The following STX10 variants were observed in gnomAD, a reference collection of about 807,000 sequenced individuals.
STX10 encodes the protein syntaxin 10, also known as syntaxin-10.
STX10 carries 35 observed loss-of-function variants against 34.1 expected under a neutral mutation model. That is an observed-to-expected ratio of 1.03 (90% CI 0.78 to 1.36). The LOEUF (loss-of-function observed/expected upper bound fraction) is 1.36. Ranked by LOEUF, STX10 falls within the 40% of genes most tolerant of loss-of-function variation. The probability of loss-of-function intolerance (pLI) is 0.00; values close to 1 mark genes in which losing one functional copy is unlikely to be tolerated. For missense variants in STX10, 361 were observed against 335.5 expected (o/e 1.08, Z -0.59); for synonymous variants, 155 against 132.9 (o/e 1.17, Z -1.15).
At position 13,144,624 on chromosome 19, in the gene STX10, A is replaced by T. The variant is rs760317429; in HGVS notation, c.626T>A (p.Met209Lys). The T allele has an allele frequency of 1.2e-6, 2 of 1,614,142 alleles. No individual in the cohort carries two copies. Among genetic ancestry groups the T allele is most frequent in the Non-Finnish European group, 1.7e-6 (2 of 1,180,022 alleles). Residue 209 changes from methionine (M) to lysine (K), a missense_variant, in exon 7 of 8, where the codon ATG becomes AAG. Met to Lys is a moderately conservative substitution (Grantham distance 95). Transcript: ENST00000587230. ...GGCCAACTTCCTGAGGACCCCGTCCATGCGGGACTGGGTGTGGTCCATCTC... is the reference window on the plus strand; with the variant it reads ...GGCCAACTTCCTGAGGACCCCGTCCTTGCGGGACTGGGTGTGGTCCATCTC... ...AQEMDHTQSR[M>K]DGVLRKLAKV... is the part of the protein sequence containing the mutation.
At chr19:13,146,208 A>C (rs1195056652) in intron 4 of STX10, among the ~76,000 whole-genome samples, 1 of 151,500 alleles carries the variant, frequency 6.6e-6, no homozygotes, top group African/African-American at 2.4e-5. Context: ...AAAAAAAAAA[A>C]ATAAAATAAA....
Position 13,144,499 on chromosome 19 carries a change from A to T in STX10, c.674-13T>A. 6.2e-7 allele frequency: 1 copy of T among 1,613,828 alleles called. No individual in the cohort carries two copies. Among genetic ancestry groups the T allele is most frequent in the Non-Finnish European group, 8.5e-7 (1 of 1,179,934 alleles). Reference sequence around the variant, plus strand: ...CACTGTCGGCGGTCTGGGAACGAGAAGGTCAGGGGTCACGGGGAGAGGGTA... The same window carrying T: ...CACTGTCGGCGGTCTGGGAACGAGATGGTCAGGGGTCACGGGGAGAGGGTA... On this transcript the variant is annotated splice_polypyrimidine_tract_variant and intron_variant, in intron 7 of 7. Coordinates refer to ENST00000587230, the MANE Select transcript of STX10 (RefSeq NM_003765.3).
In STX10 at chr19:13,144,390, C is replaced by A. The variant is rs770632453; in HGVS notation, c.*20G>T. The A allele has an allele frequency of 1.9e-6, 3 of 1,600,676 alleles. No individual in the cohort carries two copies. The highest frequency in any genetic ancestry group is 1.8e-5 in the Admixed American group (1 of 56,564). ...TGGCTCCCCAGGCTTAAGGGACCAG[C>A]CTGCCAGGGAGGGCTGGGGTCAGAG... On this transcript the variant is annotated 3_prime_UTR_variant, in exon 8 of 8. Coordinates refer to ENST00000587230, the MANE Select transcript of STX10 (RefSeq NM_003765.3).
Position 13,150,261 on chromosome 19 carries a change from C to G in STX10, c.-88G>C. On this transcript the variant is annotated 5_prime_UTR_variant, in exon 1 of 8. Coordinates refer to ENST00000587230, the MANE Select transcript of STX10 (RefSeq NM_003765.3). This position sits in a 1 kb window ranked among gnomAD's most constrained non-coding sequence, Gnocchi z 4.0. The stretch of plus-strand genomic sequence containing the variant: ...CCCAACCGAGGAGAACGCGCCGCCA[C>G]CCCCGCCCCCGTCACGCCACCATCG... 3 of 664,386 alleles carry G rather than the reference C, an allele frequency of 4.5e-6. No homozygotes were observed. The highest frequency in any genetic ancestry group is 8.3e-6 in the Non-Finnish European group (3 of 361,176). The allele number at this position is 664,386 out of a possible 1,614,324, so 41.2% of individuals were successfully genotyped here.
At chr19:13,149,653 C>T in intron 2 of STX10, 60 bp from the exon 3 acceptor site, 7 of 1,609,212 alleles carry the variant, frequency 4.3e-6, no homozygotes, top group Non-Finnish European at 5.1e-6. Flanking sequence ...CCTAGGGGTC[C>T]AGCCCTACCC....
At chr19:13,147,330 T>C (rs1042322823) in intron 4 of STX10, among the ~76,000 whole-genome samples, 3 of 151,736 alleles carry the variant, frequency 2.0e-5, no homozygotes, top group Non-Finnish European at 2.9e-5. Flanking sequence ...CTGGGCATGG[T>C]GGCACACTCC....
At chr19:13,144,543 C>A (rs375277187) in intron 7 of STX10, 34 bp downstream of exon 7, 36 of 1,614,052 alleles carry the variant, frequency 2.2e-5, no homozygotes, top group Non-Finnish European at 2.8e-5. Context: ...AACCTGCCCC[C>A]ACCAGGACTG....
Position 13,149,484 on chromosome 19 carries a change from A to C in STX10, c.300+15T>G. On this transcript the variant is annotated intron_variant, in intron 3 of 7. Transcript: ENST00000587230. ...AAACCTTCCCCCACTCCCCGCCTGC[A>C]GGACCTTTCCTGACCTGGACTGCCT... The C allele has an allele frequency of 6.2e-7, 1 of 1,601,504 alleles. No homozygotes were observed. Among genetic ancestry groups the C allele is most frequent in the Non-Finnish European group, 8.5e-7 (1 of 1,172,672 alleles).
chr19:13,150,066 T>TG lies in STX10; in HGVS notation c.35+72dup. 8.6e-7 allele frequency: 1 copy of TG among 1,158,312 alleles called. No homozygotes were observed. Among genetic ancestry groups the TG allele is most frequent in the Non-Finnish European group, 1.3e-6 (1 of 787,582 alleles). 71.8% of individuals were successfully genotyped at this position (1,158,312 alleles called of 1,614,324 possible). A position where few individuals can be genotyped will look rare whatever the true frequency, so the allele number is the denominator to read the frequency against. ...GCCTTGCCCAGCCCGCCGGGCACGC[T>TG]GGGGCCGGCACCCGGGCACTGGCTG... On this transcript the variant is annotated intron_variant, in intron 1 of 7. Transcript: ENST00000587230. This position sits in a 1 kb window ranked among gnomAD's most constrained non-coding sequence, Gnocchi z 4.0.
At chr19:13,149,007 A>G in intron 4 of STX10, 22 bp downstream of exon 4, 1 of 1,592,828 alleles carries the variant, frequency 6.3e-7, no homozygotes. Context: ...TCAGGTGGGC[A>G]GGGTGGGTCA....
chr19:13,144,338 G>A lies in STX10; in HGVS notation c.*72C>T. 1 of 1,557,320 alleles carries A rather than the reference G, an allele frequency of 6.4e-7. No homozygotes were observed. Among genetic ancestry groups the A allele is most frequent in the Admixed American group, 2.0e-5 (1 of 50,998 alleles). On this transcript the variant is annotated 3_prime_UTR_variant, in exon 8 of 8. Transcript: ENST00000587230. ...CCAGGAGGGACCCTCTCCTCCTAGG[G>A]GGCGAGGCCAGCTCCAAAGTGCTTG...
chr19:13,150,267 CCCCCG>C lies in STX10; in HGVS notation c.-99_-95del. The C allele has an allele frequency of 4.5e-6, 3 of 663,114 alleles. No individual in the cohort carries two copies. The highest frequency in any genetic ancestry group is 5.0e-5 in the Admixed American group (2 of 39,842). 41.1% of individuals were successfully genotyped at this position (663,114 alleles called of 1,614,324 possible). On this transcript the variant is annotated 5_prime_UTR_variant, in exon 1 of 8. Transcript: ENST00000587230. The surrounding 1 kb of genome is among the most constrained non-coding windows in gnomAD (Gnocchi z 4.0). Reference sequence around the variant, plus strand: ...CGAGGAGAACGCGCCGCCACCCCCGCCCCCGTCACGCCACCATCGAGAGCCGGACC... The same window carrying C: ...CGAGGAGAACGCGCCGCCACCCCCGCTCACGCCACCATCGAGAGCCGGACC...
intron 2 of STX10, 60 bp from the exon 3 acceptor site, chr19:13,149,653 C>G: frequency 6.8e-6 from 11 of 1,609,212 alleles, no homozygotes; most frequent in Non-Finnish European, 9.4e-6. Flanking sequence ...CCTAGGGGTC[C>G]AGCCCTACCC....
intron 4 of STX10, among the ~76,000 whole-genome samples, chr19:13,147,113 C>CACACACAT (rs1555724096): frequency 6.7e-5 from 10 of 149,808 alleles, no homozygotes; most frequent in African/African-American, 2.5e-4. Flanking sequence ...CACACACACA[C>CACACACAT]GGCAGGCACA....
Position 13,144,658 on chromosome 19 carries a change from A to G in STX10, c.592T>C (p.Phe198Leu), listed in dbSNP as rs562654283. 26 of 1,614,096 alleles carry G rather than the reference A, an allele frequency of 1.6e-5. 1 individual carries two copies. The South Asian group carries it at 2.4e-4, about 15-fold the overall frequency. Residue 198 changes from phenylalanine (F) to leucine (L), a missense_variant, in exon 7 of 8, where the codon TTC (phenylalanine) becomes CTC (leucine). By Grantham distance (22) the Phe-to-Leu change is conservative. Coordinates refer to ENST00000587230, the MANE Select transcript of STX10 (RefSeq NM_003765.3). ...TGGGTGTGGTCCATCTCTTGGGCGAAGGCATCCAGCATGCTGCCAAGAACA... is the reference window on the plus strand; with the variant it reads ...TGGGTGTGGTCCATCTCTTGGGCGAGGGCATCCAGCATGCTGCCAAGAACA... Reference protein sequence around the residue: ...LDEQGIMLDAFAQEMDHTQSR... With the variant: ...LDEQGIMLDALAQEMDHTQSR...
chr19:13,149,533 T>C lies in STX10; in HGVS notation c.266A>G (p.Lys89Arg), dbSNP rs1450345438. 4 of 1,613,866 alleles carry C rather than the reference T, an allele frequency of 2.5e-6. No individual in the cohort carries two copies. The highest frequency in any genetic ancestry group is 1.7e-5 in the Admixed American group (1 of 59,984). ...CTCTCGCATCCGCTCCACGAACACC[T>C]TTCTCTCCTGCAGGTCCCCGGCTGG... is the stretch of plus-strand genomic sequence containing the variant. ...KLPAGDLQERKVFVERMREAV... is the reference protein window; with the variant it reads ...KLPAGDLQERRVFVERMREAV... The change falls in exon 3 of 8, where the codon AAG (lysine) becomes AGG (arginine). Residue 89 changes from lysine (K) to arginine (R), a missense_variant. Transcript: ENST00000587230.
chr19:13,147,079 A>AACACACACAC (rs55785762), intron 4 of STX10, among the ~76,000 whole-genome samples: 5,882 of 145,172 alleles, frequency 0.041, 142 homozygotes, highest in Non-Finnish European at 0.06. Context: ...GAAACACAGA[A>AACACACACAC]ACACACACAC....
At chr19:13,147,466 A>C (rs2019926957) in intron 4 of STX10, among the ~76,000 whole-genome samples, 1 of 148,356 alleles carries the variant, frequency 6.7e-6, no homozygotes, top group Non-Finnish European at 1.5e-5. Context: ...CTCCATCTCA[A>C]AAAAAAAAAA....
intron 3 of STX10, 57 bp downstream of exon 3, chr19:13,149,437 AGAAAG>A: frequency 1.1e-5 from 15 of 1,314,844 alleles, no homozygotes; most frequent in African/African-American, 3.1e-5. Flanking sequence ...AAAGAAAGAA[AGAAAG>A]AAAAAAAAAC....
Sources: gnomAD v4.1 joint callset for allele counts (sites outside exome capture counted in the v4.1 genomes callset) on GRCh38, gnomAD v4.1.1 for gene constraint, Gnocchi (gnomAD v3.1) non-coding constraint, MANE v1.5 for transcripts, NCBI Gene and HGNC (gene_info 2026-07-23, HGNC 2026-07-21) for gene names.